Variants in TEAD1 observed in about 807,000 individuals in gnomAD.
The protein encoded by TEAD1 is transcriptional enhancer factor TEF-1.
A neutral mutation model predicts 54.9 loss-of-function variants in TEAD1; 9 were observed. That is an observed-to-expected ratio of 0.16 (90% CI 0.10 to 0.29). TEAD1 has a LOEUF of 0.29. Among genes scored for constraint, TEAD1 ranks in the 10% least tolerant of loss-of-function variants. The pLI is 1.00. For synonymous variants in TEAD1, 200 were observed against 187.8 expected (o/e 1.07, Z -0.53); for missense variants, 387 against 535.9 (o/e 0.72, Z 2.74).
intron 3 of TEAD1, among the ~76,000 whole-genome samples, chr11:12,845,044 C>T (rs1020506044): frequency 7.1e-6 from 1 of 141,396 alleles, no homozygotes; most frequent in African/African-American, 2.6e-5. Flanking sequence ...TGGCTCACTG[C>T]AACCTCTGCC....
intron 10 of TEAD1, among the ~76,000 whole-genome samples, chr11:12,908,548 G>T (rs1948558398): frequency 6.6e-6 from 1 of 152,100 alleles, no homozygotes; most frequent in Non-Finnish European, 1.5e-5. Context: ...GCACCTGACT[G>T]ACCATCACAT....
intron 3 of TEAD1, among the ~76,000 whole-genome samples, chr11:12,798,776 G>C (rs536616496): frequency 6.6e-6 from 1 of 152,200 alleles, no homozygotes; most frequent in Non-Finnish European, 1.5e-5. Flanking sequence ...TGAATGCTGC[G>C]TTTCCATAAA....
At chr11:12,754,328 T>TCTGCCC (rs1374671920) in intron 2 of TEAD1, among the ~76,000 whole-genome samples, 1 of 152,220 alleles carries the variant, frequency 6.6e-6, no homozygotes, top group Non-Finnish European at 1.5e-5. Context: ...TGCCTCTGCC[T>TCTGCCC]CTGCCCCGGA....
chr11:12,706,749 C>A (rs1353511810), intron 2 of TEAD1, among the ~76,000 whole-genome samples: 6 of 152,164 alleles, frequency 3.9e-5, no homozygotes, highest in Non-Finnish European at 7.3e-5. Flanking sequence ...GATGGGCTAG[C>A]CCTGATGCAC....
intron 2 of TEAD1, among the ~76,000 whole-genome samples, chr11:12,723,205 G>T (rs1449321777): frequency 2.0e-5 from 3 of 152,110 alleles, no homozygotes; most frequent in African/African-American, 2.4e-5. Flanking sequence ...CAGCATCTTG[G>T]CTTGCACTAG....
intron 10 of TEAD1, among the ~76,000 whole-genome samples, chr11:12,914,346 T>G (rs1025982509): frequency 6.6e-6 from 1 of 152,226 alleles, no homozygotes; most frequent in African/African-American, 2.4e-5. Flanking sequence ...TATGCCATAA[T>G]TAGCGGGAAG....
chr11:12,907,153 T>C (rs754454329), intron 10 of TEAD1, among the ~76,000 whole-genome samples: 3 of 152,124 alleles, frequency 2.0e-5, no homozygotes, highest in Admixed American at 6.6e-5. Context: ...TCAGCCATTA[T>C]GTCTGCAAGT....
chr11:12,694,987 A>G (rs1189533607), intron 2 of TEAD1, among the ~76,000 whole-genome samples: 1 of 152,258 alleles, frequency 6.6e-6, no homozygotes, highest in African/African-American at 2.4e-5. Flanking sequence ...CATAGCTGGC[A>G]ATAGCTCAGA....
At chr11:12,856,461 G>A (rs1403199391) in intron 3 of TEAD1, among the ~76,000 whole-genome samples, 1 of 152,164 alleles carries the variant, frequency 6.6e-6, no homozygotes, top group Non-Finnish European at 1.5e-5. Flanking sequence ...GAGGCCTTGG[G>A]AAGGTAGGCA....
At chr11:12,707,289 A>G (rs569686287) in intron 2 of TEAD1, among the ~76,000 whole-genome samples, 3 of 151,966 alleles carry the variant, frequency 2.0e-5, no homozygotes, top group Non-Finnish European at 4.4e-5. Flanking sequence ...ACTCCTCCTC[A>G]TGCTGTTTGC....
intron 3 of TEAD1, among the ~76,000 whole-genome samples, chr11:12,850,195 G>A (rs907932965): frequency 1.3e-5 from 2 of 152,178 alleles, no homozygotes; most frequent in African/African-American, 2.4e-5. Context: ...CAGCACTTTC[G>A]GAGGCCGAGG....
At position 12,764,198 on chromosome 11, in the gene TEAD1, C is replaced by T; in HGVS notation, c.-35C>T. Reference sequence around the variant, plus strand: ...TTCTAGGTTTATTTTCTTGAAAAGGCTCCAGGCTTCGGCTTGGAAAATCCC... The same window carrying T: ...TTCTAGGTTTATTTTCTTGAAAAGGTTCCAGGCTTCGGCTTGGAAAATCCC... On this transcript the variant is annotated 5_prime_UTR_variant, in exon 3 of 13. Coordinates refer to ENST00000527636, the MANE Select transcript of TEAD1 (RefSeq NM_021961.6). 6.2e-7 allele frequency: 1 copy of T among 1,605,458 alleles called. No homozygotes were observed. The highest frequency in any genetic ancestry group is 8.5e-7 in the Non-Finnish European group (1 of 1,177,036).
At chr11:12,805,763 A>C (rs1946157311) in intron 3 of TEAD1, among the ~76,000 whole-genome samples, 1 of 152,238 alleles carries the variant, frequency 6.6e-6, no homozygotes, top group South Asian at 2.1e-4. Flanking sequence ...GTAGGTACAG[A>C]AACTAGCTGA....
chr11:12,678,420 G>T (rs911965104), intron 2 of TEAD1, among the ~76,000 whole-genome samples: 1 of 152,190 alleles, frequency 6.6e-6, no homozygotes, highest in African/African-American at 2.4e-5. Flanking sequence ...TAGCTGCATG[G>T]TGCTTTTTCT....
chr11:12,881,519 G>T (rs1449568175), intron 7 of TEAD1, among the ~76,000 whole-genome samples: 1 of 152,170 alleles, frequency 6.6e-6, no homozygotes, highest in Non-Finnish European at 1.5e-5. Flanking sequence ...AGGAAACCTT[G>T]CCTATATGCT....
chr11:12,764,978 A>G (rs539562556), intron 3 of TEAD1, among the ~76,000 whole-genome samples: 2 of 151,380 alleles, frequency 1.3e-5, no homozygotes, highest in Admixed American at 6.6e-5. Flanking sequence ...ATGTATGTGC[A>G]TGGGCTTGAT....
At chr11:12,727,803 T>G (rs1034716819) in intron 2 of TEAD1, among the ~76,000 whole-genome samples, 4 of 152,214 alleles carry the variant, frequency 2.6e-5, no homozygotes, top group Admixed American at 2.0e-4. Flanking sequence ...AGGAATTCCC[T>G]CACCCTTACA....
intron 9 of TEAD1, among the ~76,000 whole-genome samples, chr11:12,897,547 C>G (rs933015956): frequency 1.4e-4 from 21 of 152,172 alleles, no homozygotes; most frequent in Admixed American, 7.2e-4. Flanking sequence ...AACAGAGTCA[C>G]CACCTCTTGG....
intron 9 of TEAD1, among the ~76,000 whole-genome samples, chr11:12,893,324 G>C (rs969213429): frequency 6.6e-6 from 1 of 152,136 alleles, no homozygotes; most frequent in Non-Finnish European, 1.5e-5. Flanking sequence ...GCTCAGTGTG[G>C]AGCACCCCCA....
Sources: allele counts gnomAD v4.1 joint callset (sites outside exome capture counted in the v4.1 genomes callset), GRCh38; gene constraint gnomAD v4.1.1; transcripts MANE v1.5; gene names NCBI Gene and HGNC (gene_info 2026-07-23, HGNC 2026-07-21).